Variants in CMPK2 observed in about 807,000 individuals in gnomAD.
The protein encoded by CMPK2 is UMP-CMP kinase 2, mitochondrial.
Under a neutral mutation model 33.4 loss-of-function variants are expected in CMPK2, and 32 were observed. That is an observed-to-expected ratio of 0.96 (90% CI 0.72 to 1.29). The LOEUF is 1.29. CMPK2 is among the 50% of genes most tolerant of loss of function. The probability of loss-of-function intolerance (pLI) is 0.00; values close to 1 mark genes in which losing one functional copy is unlikely to be tolerated. For synonymous variants in CMPK2, 299 were observed against 275.3 expected (o/e 1.09, Z -0.85); for missense variants, 672 against 616.0 (o/e 1.09, Z -0.96).
At chr2:6,842,328 G>A (rs1336075054) in intron 3 of CMPK2, among the ~76,000 whole-genome samples, 1 of 152,192 alleles carries the variant, frequency 6.6e-6, no homozygotes, top group African/African-American at 2.4e-5. Flanking sequence ...TAATATTTGA[G>A]GAGGCGATTA....
chr2:6,848,936 T>C lies in CMPK2; in HGVS notation c.*914A>G. ...ACAAATTAAGTTTGTGTAATGAAAA[T>C]ACACAACAAACATTGCATTTAGCGT... is the stretch of plus-strand genomic sequence containing the variant. On this transcript the variant is annotated 3_prime_UTR_variant, in exon 5 of 5. Coordinates refer to ENST00000256722, the MANE Select transcript of CMPK2 (RefSeq NM_207315.4). 1.0e-6 allele frequency: 1 copy of C among 985,824 alleles called. No homozygotes were observed. The highest frequency in any genetic ancestry group is 1.2e-6 in the Non-Finnish European group (1 of 829,882). 61.1% of individuals were successfully genotyped at this position (985,824 alleles called of 1,614,324 possible). A position where few individuals can be genotyped will look rare whatever the true frequency, so the allele number is the denominator to read the frequency against.
In CMPK2 at chr2:6,851,582, T is replaced by C. The variant is rs745580649; in HGVS notation, c.1094A>G (p.Asp365Gly). ...AHHPVYQWPE[D>G]LLKPDLILLL... is the part of the protein sequence containing the mutation. ...CAGGATAAGGTCAGGTTTGAGCAGGTCCTCTGGCCACTGGTACACAGGGTG... is the reference window on the plus strand; with the variant it reads ...CAGGATAAGGTCAGGTTTGAGCAGGCCCTCTGGCCACTGGTACACAGGGTG... The change falls in exon 4 of 5, where the codon GAC becomes GGC. Residue 365 changes from aspartate (D) to glycine (G), a missense_variant. Transcript: ENST00000256722. The C allele has an allele frequency of 6.2e-6, 10 of 1,614,192 alleles. No homozygotes were observed. Among genetic ancestry groups the C allele is most frequent in the Non-Finnish European group, 8.5e-6 (10 of 1,180,046 alleles).
At chr2:6,852,388 C>T (rs1307642297) in intron 3 of CMPK2, among the ~76,000 whole-genome samples, 2 of 152,212 alleles carry the variant, frequency 1.3e-5, no homozygotes, top group African/African-American at 2.4e-5. Context: ...CTACAACCTA[C>T]AGGAAATGCT....
Position 6,865,811 on chromosome 2 carries a change from C to A in CMPK2, c.-115G>T. ...GCCAGGCGCCAGCGGGAAACGAAAG[C>A]GAAGCGTTGCGGGGAAACGAAAGCC... On this transcript the variant is annotated 5_prime_UTR_variant, in exon 1 of 5. Transcript: ENST00000256722. 7.9e-7 allele frequency: 1 copy of A among 1,262,948 alleles called. No homozygotes were observed. The highest frequency in any genetic ancestry group is 1.0e-6 in the Non-Finnish European group (1 of 1,002,818). The allele number at this position is 1,262,948 out of a possible 1,614,324, so 78.2% of individuals were successfully genotyped here.
chr2:6,840,790 G>C (rs1439530803), intron 3 of CMPK2: 2 of 652,166 alleles, frequency 3.1e-6, no homozygotes, highest in Non-Finnish European at 5.6e-6. Context: ...TTTAATTCCT[G>C]CTAGAACTGG....
chr2:6,853,336 A>C lies in CMPK2; in HGVS notation c.993-1653T>G, dbSNP rs77566467. ...AGTACACAGTGGTATCCACATAATA[A>C]ATTCCCTGTGTTACCTGAACTGTAC... On this transcript the variant is annotated intron_variant, in intron 3 of 4. Transcript: ENST00000256722. Among the ~76,000 whole-genome samples, 156 of 152,138 alleles carry C rather than the reference A, an allele frequency of 1.0e-3. 2 individuals carry two copies. In the East Asian group the frequency reaches 0.026, roughly 25 times the overall value.
intron 3 of CMPK2, among the ~76,000 whole-genome samples, chr2:6,843,009 T>C (rs963100391): frequency 1.3e-5 from 2 of 151,566 alleles, no homozygotes; most frequent in East Asian, 3.8e-4. Context: ...AGTCCCTCAG[T>C]TGGGACACAG....
exon 4 of CMPK2, chr2:6,840,639 G>A (rs374424974): frequency 1.4e-6 from 1 of 702,328 alleles, no homozygotes; most frequent in Non-Finnish European, 2.6e-6. Context: ...TGCCGAGCAG[G>A]TGGAGAGAAG....
At position 6,853,094 on chromosome 2, in the gene CMPK2, C is replaced by T. The variant is rs377568261; in HGVS notation, c.993-1411G>A. ...CCTCCCAAGTAGCTGGGATTACAGG[C>T]ATGCACCACCACGCCCGGCTAATTT... On this transcript the variant is annotated intron_variant, in intron 3 of 4. Transcript: ENST00000256722. 1.8e-3 allele frequency among the ~76,000 whole-genome samples: 279 copies of T among 152,260 alleles called. 1 individual carries two copies. The highest frequency in any genetic ancestry group is 6.2e-3 in the African/African-American group (256 of 41,528).
At chr2:6,843,844 A>C (rs1410028725), downstream of CMPK2, among the ~76,000 whole-genome samples, 1 of 152,214 alleles carries the variant, frequency 6.6e-6, no homozygotes, top group Non-Finnish European at 1.5e-5. Flanking sequence ...GGAGAGGAGA[A>C]CAGAGAGGCT....
chr2:6,865,118 C>A lies in CMPK2; in HGVS notation c.579G>T (p.Val193=). 1 of 1,515,790 alleles carries A rather than the reference C, an allele frequency of 6.6e-7. No individual in the cohort carries two copies. Among genetic ancestry groups the A allele is most frequent in the East Asian group, 2.7e-5 (1 of 36,438 alleles). The allele number at this position is 1,515,790 out of a possible 1,614,324, so 93.9% of individuals were successfully genotyped here. A position where few individuals can be genotyped will look rare whatever the true frequency, so the allele number is the denominator to read the frequency against. Residue 193 remains valine (V), a synonymous_variant, in exon 1 of 5, where the codon GTG becomes GTT. Coordinates refer to ENST00000256722, the MANE Select transcript of CMPK2 (RefSeq NM_207315.4). ...GGTGCAGCGGGGGCTCCGGGACGGGCACGACCTGTGCGCAGCCCACCTGCA... is the reference window on the plus strand; with the variant it reads ...GGTGCAGCGGGGGCTCCGGGACGGGAACGACCTGTGCGCAGCCCACCTGCA... The part of the protein sequence containing the change: ...RRLQVGCAQV[V]PVPEPPLHPV...
chr2:6,854,777 T>C (rs1039921094), intron 3 of CMPK2, among the ~76,000 whole-genome samples: 1 of 152,122 alleles, frequency 6.6e-6, no homozygotes, highest in Non-Finnish European at 1.5e-5. Context: ...CAATTTCCTA[T>C]TTTCAGGGTA....
At chr2:6,852,719 G>T (rs564015487) in intron 3 of CMPK2, among the ~76,000 whole-genome samples, 2 of 152,266 alleles carry the variant, frequency 1.3e-5, no homozygotes, top group Non-Finnish European at 2.9e-5. Flanking sequence ...ATGAAAGAAT[G>T]TTATTTGGGT....
In CMPK2 at chr2:6,865,560, G is replaced by A. The variant is rs890531651; in HGVS notation, c.137C>T (p.Ala46Val). 6.7e-6 allele frequency: 9 copies of A among 1,344,800 alleles called. No individual in the cohort carries two copies. In the African/African-American group the frequency reaches 9.2e-5, roughly 14 times the overall value. The allele number at this position is 1,344,800 out of a possible 1,614,324, so 83.3% of individuals were successfully genotyped here. ...ELPDCTLAHF[A>V]LGADAPGDAD... ...GTCGCCGGGGGCGTCGGCGCCTAGG[G>A]CGAAGTGAGCCAGGGTGCAGTCGGG... The change falls in exon 1 of 5, where the codon GCC (alanine) becomes GTC (valine). Residue 46 changes from alanine (A) to valine (V), a missense_variant. Transcript: ENST00000256722.
intron 3 of CMPK2, among the ~76,000 whole-genome samples, chr2:6,842,333 C>T (rs145479279): frequency 6.8e-4 from 103 of 152,264 alleles, no homozygotes; most frequent in African/African-American, 2.3e-3. Context: ...TTTGAGGAGG[C>T]GATTATCTGT....
chr2:6,854,945 A>G (rs1313075369), intron 3 of CMPK2, among the ~76,000 whole-genome samples: 11 of 151,840 alleles, frequency 7.2e-5, no homozygotes, highest in Admixed American at 2.6e-4. Flanking sequence ...CAGGATCCGC[A>G]GGCATCCTAG....
downstream of CMPK2, among the ~76,000 whole-genome samples, chr2:6,844,780 T>G (rs983105997): frequency 1.3e-5 from 2 of 152,210 alleles, no homozygotes; most frequent in African/African-American, 4.8e-5. Flanking sequence ...CTGTTAGGTT[T>G]TGGCTTAAAA....
chr2:6,864,893 G>A, intron 1 of CMPK2, 129 bp downstream of exon 1: 2 of 1,279,690 alleles, frequency 1.6e-6, no homozygotes, highest in East Asian at 3.1e-5. Context: ...TTCCCTACCT[G>A]ATTTGTGAAC....
At position 6,865,642 on chromosome 2, in the gene CMPK2, GC is replaced by G; in HGVS notation, c.54del (p.Arg19GlyfsTer29). 7.4e-7 allele frequency: 1 copy of G among 1,349,242 alleles called. No individual in the cohort carries two copies. The highest frequency in any genetic ancestry group is 9.5e-7 in the Non-Finnish European group (1 of 1,055,156). The allele number at this position is 1,349,242 out of a possible 1,614,324, so 83.6% of individuals were successfully genotyped here. On this transcript the variant is annotated frameshift_variant, in exon 1 of 5. Coordinates refer to ENST00000256722, the MANE Select transcript of CMPK2 (RefSeq NM_207315.4). LOFTEE classifies it high-confidence loss of function. ...ATGGCCCCAGCGCAGACCCCGCGCC[GC>G]CCGAGCAGCGGCCCCGACAGTGGCC... ...LRGPLSGPLL[G>X]RRGVCAGAMA... is the part of the protein sequence containing the mutation.
Sources: gnomAD v4.1 joint callset for allele counts (sites outside exome capture counted in the v4.1 genomes callset) on GRCh38, gnomAD v4.1.1 for gene constraint, MANE v1.5 for transcripts, NCBI Gene and HGNC (gene_info 2026-07-23, HGNC 2026-07-21) for gene names.